TLR8: variants seen among roughly 807,000 people sequenced by gnomAD.
The protein encoded by TLR8 is toll like receptor 8, also known as toll-like receptor 8.
TLR8 carries 5 observed loss-of-function variants against 18.5 expected under a neutral mutation model. The observed-to-expected ratio is 0.27, with a 90% CI of 0.14 to 0.57. The LOEUF (loss-of-function observed/expected upper bound fraction) is 0.57. TLR8 is among the 20% of genes least tolerant of loss of function. The pLI is 0.92. For synonymous variants in TLR8, 299 were observed against 300.1 expected (o/e 1.00, Z 0.04); for missense variants, 543 against 769.8 (o/e 0.71, Z 3.49).
rs377637956 is a variant in TLR8, at chrX:12,915,146, T to C, written c.4-3898T>C. On this transcript the variant is annotated intron_variant, in intron 1 of 1. Coordinates refer to ENST00000218032, the MANE Select transcript of TLR8 (RefSeq NM_138636.5). ...ACTTTTTAGTTGTCAATTTAATTAA[T>C]ATTTTTTAAACCTACTCTGGCCTTT... Among the ~76,000 whole-genome samples the C allele has an allele frequency of 3.6e-5, 4 of 111,778 alleles. No individual in the cohort carries two copies. In the South Asian group the frequency reaches 1.1e-3, roughly 31 times the overall value.
intron 1 of TLR8, among the ~76,000 whole-genome samples, chrX:12,907,293 C>T (rs1179035990): frequency 8.9e-6 from 1 of 112,464 alleles, no homozygotes; most frequent in Admixed American, 9.4e-5. Flanking sequence ...TAACATGCTA[C>T]AATTTCTGTA....
chrX:12,906,665 G>A lies in TLR8; in HGVS notation c.-42G>A, dbSNP rs200343061. 3.6e-4 allele frequency: 395 copies of A among 1,091,394 alleles called. 1 individual carries two copies. The highest frequency in any genetic ancestry group is 3.7e-4 in the Non-Finnish European group (309 of 841,104). 89.9% of individuals were successfully genotyped at this position (1,091,394 alleles called of 1,213,427 possible). A position where few individuals can be genotyped will look rare whatever the true frequency, so the allele number is the denominator to read the frequency against. On this transcript the variant is annotated 5_prime_UTR_variant, in exon 1 of 2. Coordinates refer to ENST00000218032, the MANE Select transcript of TLR8 (RefSeq NM_138636.5). Reference sequence around the variant, plus strand: ...TCCTGCATAGAGGGTACCATTCTGCGCTGCTGCAAGTTACGGAATGAAAAA... The same window carrying A: ...TCCTGCATAGAGGGTACCATTCTGCACTGCTGCAAGTTACGGAATGAAAAA...
rs5744082 is a variant in TLR8, at chrX:12,921,184, G to A, written c.2144G>A (p.Arg715Gln). The change falls in exon 2 of 2, where the codon CGG becomes CAG. Residue 715 changes from arginine to glutamine, a missense_variant. Transcript: ENST00000218032. ...CTATCTGACTTTACATCTTCCCTTC[G>A]GACACTGCTGCTGAGTCATAACAGG... is the stretch of plus-strand genomic sequence containing the variant. The part of the protein sequence containing the change: ...DSLSDFTSSL[R>Q]TLLLSHNRIS... The A allele has an allele frequency of 9.6e-4, 1,167 of 1,209,805 alleles. 8 individuals are homozygous for A. In the African/African-American group the frequency reaches 0.018, roughly 19 times the overall value.
At position 12,920,191 on chromosome X, in the gene TLR8, A is replaced by T; in HGVS notation, c.1151A>T (p.Glu384Val). The T allele has an allele frequency of 8.3e-7, 1 of 1,210,556 alleles. No individual in the cohort carries two copies. The highest frequency in any genetic ancestry group is 1.1e-6 in the Non-Finnish European group (1 of 894,545). Residue 384 changes from glutamate (E) to valine (V), a missense_variant, in exon 2 of 2, where the codon GAA becomes GTA. Glu to Val is a moderately radical substitution (Grantham distance 121). Coordinates refer to ENST00000218032, the MANE Select transcript of TLR8 (RefSeq NM_138636.5). ...LRGYVFQELR[E>V]DDFQPLMQLP... ...GGTTATGTGTTCCAGGAACTCAGAG[A>T]AGATGATTTCCAGCCCCTGATGCAG...
intron 1 of TLR8, chrX:12,908,349 A>G (rs990049007): frequency 9.0e-6 from 1 of 111,633 alleles, no homozygotes; most frequent in Non-Finnish European, 1.9e-5. Context: ...TCAAAACAAC[A>G]ACAACAACAA....
chrX:12,919,219 C>T lies in TLR8; in HGVS notation c.179C>T (p.Thr60Met), dbSNP rs57166818. The part of the protein sequence containing the change: ...SNRRLQEVPQ[T>M]VGKYVTELDL... ...CGTCGACTACAGGAAGTTCCCCAAA[C>T]GGTGGGCAAATATGTGACAGAACTA... Residue 60 changes from threonine (T) to methionine (M), a missense_variant, in exon 2 of 2, where the codon ACG becomes ATG. Transcript: ENST00000218032. 23 of 1,210,302 alleles carry T rather than the reference C, an allele frequency of 1.9e-5. No homozygotes were observed. The highest frequency in any genetic ancestry group is 2.3e-5 in the Non-Finnish European group (21 of 895,222).
chrX:12,921,937 G>A lies in TLR8; in HGVS notation c.2897G>A (p.Arg966Lys), dbSNP rs777746435. ...ACAGCTTTTTACTTGGCTTTGCAGA[G>A]GCTAATGGATGAGAACATGGATGTG... ...FKTAFYLALQ[R>K]LMDENMDVII... The change falls in exon 2 of 2, where the codon AGG becomes AAG. Residue 966 changes from arginine to lysine, a missense_variant. This residue lies in a region of TLR8 where 227 missense variants were observed against 312.9 expected (regional missense o/e 0.73). Transcript: ENST00000218032. 19 of 1,209,605 alleles carry A rather than the reference G, an allele frequency of 1.6e-5. No homozygotes were observed. Among genetic ancestry groups the A allele is most frequent in the Non-Finnish European group, 2.1e-5 (19 of 895,101 alleles).
Position 12,919,904 on chromosome X carries a change from A to C in TLR8, c.864A>C (p.Gln288His). The change falls in exon 2 of 2, where the codon CAA becomes CAC. Residue 288 changes from glutamine (Q) to histidine (H), a missense_variant. By Grantham distance (24) the Gln-to-His change is conservative. This residue lies in a region of TLR8 where 185 missense variants were observed against 298.9 expected (regional missense o/e 0.62). Transcript: ENST00000218032. ...GTTTTGCTTTTCAAAACTTGACCCAACTTCGATACCTAAACCTCTCTAGCA... is the reference window on the plus strand; with the variant it reads ...GTTTTGCTTTTCAAAACTTGACCCACCTTCGATACCTAAACCTCTCTAGCA... The part of the protein sequence containing the change: ...IDRFAFQNLT[Q>H]LRYLNLSSTS... 1 of 1,211,013 alleles carries C rather than the reference A, an allele frequency of 8.3e-7. No individual in the cohort carries two copies. The highest frequency in any genetic ancestry group is 1.1e-6 in the Non-Finnish European group (1 of 895,197).
At chrX:12,909,039 G>C (rs768903389) in intron 1 of TLR8, among the ~76,000 whole-genome samples, 2 of 111,981 alleles carry the variant, frequency 1.8e-5, no homozygotes, top group Non-Finnish European at 3.8e-5. Context: ...GACATTATTT[G>C]TAAGTGCATC....
rs374675805 is a variant in TLR8, at chrX:12,921,395, A to G, written c.2355A>G (p.Arg785=). 1.2e-5 allele frequency: 15 copies of G among 1,210,520 alleles called. No individual in the cohort carries two copies. The highest frequency in any genetic ancestry group is 1.7e-5 in the Non-Finnish European group (15 of 895,319). Residue 785 remains arginine, a synonymous_variant, in exon 2 of 2, where the codon AGA becomes AGG. Transcript: ENST00000218032. ...ECTCDIGDFR[R]WMDEHLNVKI... is the part of the protein sequence containing the mutation. ...CCTGTGACATTGGAGATTTCCGAAG[A>G]TGGATGGATGAACATCTGAATGTCA...
rs756858438 is a variant in TLR8 at position 12,921,583 on chromosome X, C to T, written c.2543C>T (p.Ala848Val). ...ITTMVMLAAL[A>V]HHLFYWDVWF... ...ACCATGGTTATGTTGGCTGCCCTGGCTCACCATTTGTTTTACTGGGATGTT... is the reference window on the plus strand; with the variant it reads ...ACCATGGTTATGTTGGCTGCCCTGGTTCACCATTTGTTTTACTGGGATGTT... Residue 848 changes from alanine to valine, a missense_variant, in exon 2 of 2, where the codon GCT becomes GTT. Transcript: ENST00000218032. 6 of 1,211,787 alleles carry T rather than the reference C, an allele frequency of 5.0e-6. No homozygotes were observed. In the South Asian group the frequency reaches 8.8e-5, roughly 18 times the overall value.
rs769257066 is a variant in TLR8 at position 12,922,499 on chromosome X, C to G, written c.*333C>G. The G allele has an allele frequency of 2.7e-5, 5 of 181,981 alleles. No individual in the cohort carries two copies. Among genetic ancestry groups the G allele is most frequent in the Non-Finnish European group, 4.1e-5 (4 of 98,507 alleles). 15.0% of individuals were successfully genotyped at this position (181,981 alleles called of 1,213,427 possible). A position where few individuals can be genotyped will look rare whatever the true frequency, so the allele number is the denominator to read the frequency against. ...AGCCATGCGAGCCTCTCCCACAAGG[C>G]AGCTTGCTTCATCAGAGCTAGCAAA... On this transcript the variant is annotated 3_prime_UTR_variant, in exon 2 of 2. Transcript: ENST00000218032.
chrX:12,921,337 T>C lies in TLR8; in HGVS notation c.2297T>C (p.Met766Thr), dbSNP rs768265810. 5.4e-5 allele frequency: 65 copies of C among 1,210,100 alleles called. No homozygotes were observed. The highest frequency in any genetic ancestry group is 1.1e-4 in the Admixed American group (5 of 45,722). ...ACTAAGACCACCACCAAATTATCTA[T>C]GTTGGAACTACACGGAAACCCCTTT... ...LETKTTTKLS[M>T]LELHGNPFEC... The change falls in exon 2 of 2, where the codon ATG becomes ACG. Residue 766 changes from methionine (M) to threonine (T), a missense_variant. Transcript: ENST00000218032.
At chrX:12,908,109 C>A (rs902767293) in intron 1 of TLR8, 1 of 110,744 alleles carries the variant, frequency 9.0e-6, no homozygotes, top group Middle Eastern at 4.6e-3. Context: ...GGGAAGCCGA[C>A]GTGGGCGGAT....
rs147214882 is a variant in TLR8 at position 12,916,429 on chromosome X, T to C, written c.4-2615T>C. ...AACTTGGAAATCACACAGGCTGAGA[T>C]CTGCTCAGGTGCCTGAACAAATATA... On this transcript the variant is annotated intron_variant, in intron 1 of 1. Transcript: ENST00000218032. Among the ~76,000 whole-genome samples, 134 of 111,619 alleles carry C rather than the reference T, an allele frequency of 1.2e-3. 1 individual carries two copies. The highest frequency in any genetic ancestry group is 4.3e-3 in the African/African-American group (131 of 30,682).
chrX:12,911,365 C>T (rs2043019811), intron 1 of TLR8, among the ~76,000 whole-genome samples: 1 of 111,935 alleles, frequency 8.9e-6, no homozygotes, highest in African/African-American at 3.3e-5. Context: ...GCTCCTCTCC[C>T]AGCTTCTGGT....
At chrX:12,909,937 T>G (rs2043009804) in intron 1 of TLR8, among the ~76,000 whole-genome samples, 1 of 112,261 alleles carries the variant, frequency 8.9e-6, no homozygotes, top group South Asian at 3.7e-4. Context: ...AACACAGTTT[T>G]TCATATTTTT....
Position 12,920,287 on chromosome X carries a change from A to G in TLR8, c.1247A>G (p.Asn416Ser). The change falls in exon 2 of 2, where the codon AAT becomes AGT. Residue 416 changes from asparagine to serine, a missense_variant. Transcript: ENST00000218032. ...CAAATCGATTTCAAACTTTTCCAAA[A>G]TTTCTCCAATCTGGAAATTATTTAC... ...IKQIDFKLFQNFSNLEIIYLS... is the reference protein window; with the variant it reads ...IKQIDFKLFQSFSNLEIIYLS... 1 of 1,208,073 alleles carries G rather than the reference A, an allele frequency of 8.3e-7. No individual in the cohort carries two copies. Among genetic ancestry groups the G allele is most frequent in the Non-Finnish European group, 1.1e-6 (1 of 894,072 alleles).
chrX:12,921,551 T>C lies in TLR8; in HGVS notation c.2511T>C (p.Phe837=). ...TAVILFFFTF[F]ITTMVMLAAL... Reference sequence around the variant, plus strand: ...TGATATTATTTTTCTTCACGTTCTTTATCACCACCATGGTTATGTTGGCTG... The same window carrying C: ...TGATATTATTTTTCTTCACGTTCTTCATCACCACCATGGTTATGTTGGCTG... The change falls in exon 2 of 2, where the codon TTT becomes TTC. Residue 837 remains phenylalanine (F), a synonymous_variant. Coordinates refer to ENST00000218032, the MANE Select transcript of TLR8 (RefSeq NM_138636.5). 1 of 1,212,101 alleles carries C rather than the reference T, an allele frequency of 8.3e-7. No homozygotes were observed. The highest frequency in any genetic ancestry group is 1.7e-5 in the African/African-American group (1 of 57,892).
Sources: gnomAD v4.1 joint callset for allele counts (sites outside exome capture counted in the v4.1 genomes callset) on GRCh38, gnomAD v4.1.1 for gene constraint, gnomAD v4.1.1 regional missense constraint, MANE v1.5 for transcripts, NCBI Gene and HGNC (gene_info 2026-07-23, HGNC 2026-07-21) for gene names.